DOT1L: variants seen among roughly 807,000 people sequenced by gnomAD.
DOT1L encodes the protein histone-lysine N-methyltransferase, H3 lysine-79 specific.
A neutral mutation model predicts 153.3 loss-of-function variants in DOT1L; 33 were observed. The ratio of observed to expected loss-of-function variants is 0.22; its 90% CI spans 0.16 to 0.29. The LOEUF (loss-of-function observed/expected upper bound fraction) is 0.29. DOT1L is among the 10% of genes least tolerant of loss of function. The pLI is 1.00. For synonymous variants in DOT1L, 1,135 were observed against 965.1 expected (o/e 1.18, Z -3.26); for missense variants, 1,847 against 2,119.9 (o/e 0.87, Z 2.53).
At chr19:2,173,761 C>T (rs912046790) in intron 1 of DOT1L, among the ~76,000 whole-genome samples, 5 of 152,178 alleles carry the variant, frequency 3.3e-5, no homozygotes, top group African/African-American at 1.2e-4. Context: ...TTCCCGGTAC[C>T]TTGCGAGTGC....
At chr19:2,225,231 C>A (rs1184369010) in intron 25 of DOT1L, among the ~76,000 whole-genome samples, 157 bp from the exon 26 acceptor site, 1 of 152,178 alleles carries the variant, frequency 6.6e-6, no homozygotes, top group African/African-American at 2.4e-5. Context: ...CCACCCAGTC[C>A]AGGCCTGGCC....
intron 1 of DOT1L, among the ~76,000 whole-genome samples, chr19:2,175,000 A>G (rs866852976): frequency 0.05 from 4,820 of 96,374 alleles, 164 homozygotes; most frequent in East Asian, 0.16. Context: ...GTGTGTATAT[A>G]TATATTTTTT....
intron 25 of DOT1L, among the ~76,000 whole-genome samples, 165 bp downstream of exon 25, chr19:2,223,651 C>G (rs2024217122): frequency 1.3e-5 from 2 of 152,118 alleles, no homozygotes; most frequent in Non-Finnish European, 2.9e-5. Context: ...CCCACAGGTC[C>G]TGGGCCCCGT....
At chr19:2,192,189 A>AG (rs1176661905) in intron 5 of DOT1L, among the ~76,000 whole-genome samples, 2 of 152,192 alleles carry the variant, frequency 1.3e-5, no homozygotes, top group Admixed American at 1.3e-4. Context: ...CCCCAGGGGC[A>AG]GGGACCAAGA....
At position 2,213,950 on chromosome 19, in the gene DOT1L, G is replaced by A; in HGVS notation, c.1761G>A (p.Gln587=). The A allele has an allele frequency of 6.2e-7, 1 of 1,612,954 alleles. No individual in the cohort carries two copies. The highest frequency in any genetic ancestry group is 1.1e-5 in the South Asian group (1 of 91,090). Residue 587 remains glutamine (Q), a synonymous_variant, in exon 18 of 28, where the codon CAG becomes CAA. Transcript: ENST00000398665. ...GGGAGCAGTCGGAGCAGCTGGAGCA[G>A]GACAACCGCGCGCTCCGCGGCCAGA... ...QLREQSEQLE[Q]DNRALRGQSL...
intron 1 of DOT1L, among the ~76,000 whole-genome samples, chr19:2,174,642 A>G (rs2021819989): frequency 6.6e-6 from 1 of 151,912 alleles, no homozygotes; most frequent in Non-Finnish European, 1.5e-5. Flanking sequence ...TTTTTTAGAG[A>G]TGGGGTCTTG....
chr19:2,211,028 C>G (rs1032300755), intron 14 of DOT1L, 71 bp from the exon 15 acceptor site: 1 of 1,507,508 alleles, frequency 6.6e-7, no homozygotes, highest in Admixed American at 1.8e-5. Context: ...GGGCACCTGC[C>G]CCATGCTGAC....
rs1245376494 is a variant in DOT1L, at chr19:2,204,910, C to T, written c.788-1819C>T. On this transcript the variant is annotated intron_variant, in intron 9 of 27. Coordinates refer to ENST00000398665, the MANE Select transcript of DOT1L (RefSeq NM_032482.3). This position sits in a 1 kb window ranked among gnomAD's most constrained non-coding sequence, Gnocchi z 5.7. ...TGCCAGGCCTGGGCTGGTGTGGCGT[C>T]CAGGGGAGGAGAGCTGGGATGGCGG... is the stretch of plus-strand genomic sequence containing the variant. Among the ~76,000 whole-genome samples, 1 of 152,080 alleles carries T rather than the reference C, an allele frequency of 6.6e-6. No homozygotes were observed. The highest frequency in any genetic ancestry group is 1.5e-5 in the Non-Finnish European group (1 of 68,014).
Position 2,220,044 on chromosome 19 carries a change from C to T in DOT1L, c.2692-64C>T, listed in dbSNP as rs2024053608. ...TGCAGGCCTCAACACTCACTGTTTC[C>T]AGCTGGGTTCTGGGTCTCCTGGGGC... On this transcript the variant is annotated intron_variant, in intron 22 of 27. Coordinates refer to ENST00000398665, the MANE Select transcript of DOT1L (RefSeq NM_032482.3). This position sits in a 1 kb window ranked among gnomAD's most constrained non-coding sequence, Gnocchi z 4.5. 7 of 1,468,192 alleles carry T rather than the reference C, an allele frequency of 4.8e-6. No individual in the cohort carries two copies. Among genetic ancestry groups the T allele is most frequent in the Admixed American group, 1.9e-5 (1 of 52,730 alleles). The allele number at this position is 1,468,192 out of a possible 1,614,324, so 90.9% of individuals were successfully genotyped here.
rs190641556 is a variant in DOT1L, at chr19:2,208,544, G to A, written c.964-391G>A. On this transcript the variant is annotated intron_variant, in intron 11 of 27. Transcript: ENST00000398665. This position sits in a 1 kb window ranked among gnomAD's most constrained non-coding sequence, Gnocchi z 4.4. ...CCTACCGTGCGGCCCCCACCTCCACGCAGTGCTGCTGCTTCAGCTGCCCTG... is the reference window on the plus strand; with the variant it reads ...CCTACCGTGCGGCCCCCACCTCCACACAGTGCTGCTGCTTCAGCTGCCCTG... Among the ~76,000 whole-genome samples the A allele has an allele frequency of 2.1e-3, 318 of 152,260 alleles. 2 individuals are homozygous for A. Among genetic ancestry groups the A allele is most frequent in the African/African-American group, 7.1e-3 (294 of 41,542 alleles).
chr19:2,223,415 C>T lies in DOT1L; in HGVS notation c.3525C>T (p.Thr1175=), dbSNP rs1329444896. The change falls in exon 25 of 28, where the codon ACC becomes ACT. Residue 1175 remains threonine (T), a synonymous_variant. Transcript: ENST00000398665. ...VLKKERPLSQ[T]NGAHYSPLTS... ...AGAAGGAGCGGCCTCTGAGCCAGAC[C>T]AATGGGGCACACTACTCCCCACTCA... 6.2e-7 allele frequency: 1 copy of T among 1,613,704 alleles called. No individual in the cohort carries two copies. Among genetic ancestry groups the T allele is most frequent in the Non-Finnish European group, 8.5e-7 (1 of 1,179,988 alleles).
intron 22 of DOT1L, among the ~76,000 whole-genome samples, chr19:2,218,640 G>T (rs549788116): frequency 6.6e-6 from 1 of 151,898 alleles, no homozygotes; most frequent in Non-Finnish European, 1.5e-5. Flanking sequence ...TGATCCGCCC[G>T]CCTGGGCCTC....
rs932412655 is a variant in DOT1L at position 2,216,126 on chromosome 19, G to C, written c.1924-155G>C. The stretch of plus-strand genomic sequence containing the variant: ...CTTTATTTGACGCCCCCAGCTTCCC[G>C]ACCCCGCCTCTATGTGGTCGGCAGC... On this transcript the variant is annotated intron_variant, in intron 19 of 27. Transcript: ENST00000398665. 4 of 1,150,664 alleles carry C rather than the reference G, an allele frequency of 3.5e-6. No homozygotes were observed. The African/African-American group carries it at 6.2e-5, about 18-fold the overall frequency. 71.3% of individuals were successfully genotyped at this position (1,150,664 alleles called of 1,614,324 possible).
rs1347944291 is a variant in DOT1L at position 2,217,132 on chromosome 19, A to C, written c.2544+42A>C. On this transcript the variant is annotated intron_variant, in intron 21 of 27. Coordinates refer to ENST00000398665, the MANE Select transcript of DOT1L (RefSeq NM_032482.3). This position sits in a 1 kb window ranked among gnomAD's most constrained non-coding sequence, Gnocchi z 7.3. ...CTGCCCCGGGCTCAGGGAGGTGCTCAGCAGAGGCGGCCTGAGCGAGTTGCT... is the reference window on the plus strand; with the variant it reads ...CTGCCCCGGGCTCAGGGAGGTGCTCCGCAGAGGCGGCCTGAGCGAGTTGCT... The C allele has an allele frequency of 6.5e-7, 1 of 1,534,532 alleles. No individual in the cohort carries two copies. The highest frequency in any genetic ancestry group is 1.4e-5 in the African/African-American group (1 of 72,944).
chr19:2,172,407 T>A (rs2021687450), intron 1 of DOT1L, among the ~76,000 whole-genome samples: 1 of 151,840 alleles, frequency 6.6e-6, no homozygotes, highest in Non-Finnish European at 1.5e-5. Context: ...GCCAGGATGG[T>A]CTCGATCTCC....
chr19:2,223,297 A>T lies in DOT1L; in HGVS notation c.3407A>T (p.Gln1136Leu), dbSNP rs1390125508. The change falls in exon 25 of 28, where the codon CAG (glutamine) becomes CTG (leucine). Residue 1136 changes from glutamine (Q) to leucine (L), a missense_variant. By Grantham distance (113) the Gln-to-Leu change is moderately radical. Transcript: ENST00000398665. ...NLNSMVSNIN[Q>L]PLEITAISSP... ...TGCCCTCAGGTCAGTAACATCAACC[A>T]GCCCCTGGAGATTACAGCCATCTCG... 6.2e-7 allele frequency: 1 copy of T among 1,613,432 alleles called. No homozygotes were observed. The highest frequency in any genetic ancestry group is 8.5e-7 in the Non-Finnish European group (1 of 1,179,948).
intron 19 of DOT1L, chr19:2,215,965 T>C: frequency 3.4e-6 from 1 of 293,088 alleles, no homozygotes; most frequent in African/African-American, 2.2e-5. Context: ...CCTCCACAGG[T>C]TTTACACTTA....
intron 5 of DOT1L, among the ~76,000 whole-genome samples, chr19:2,192,706 G>C (rs1338815558): frequency 6.6e-6 from 1 of 151,350 alleles, no homozygotes; most frequent in East Asian, 1.9e-4. Context: ...GGCATATCTG[G>C]CTGGGCTCTT....
At chr19:2,205,551 A>T (rs1036913855) in intron 9 of DOT1L, among the ~76,000 whole-genome samples, 5 of 152,218 alleles carry the variant, frequency 3.3e-5, no homozygotes, top group African/African-American at 1.2e-4. Flanking sequence ...TATCACTGAC[A>T]GTCAGTTAGA....
Sources: gnomAD v4.1 joint callset for allele counts (sites outside exome capture counted in the v4.1 genomes callset) on GRCh38, gnomAD v4.1.1 for gene constraint, Gnocchi (gnomAD v3.1) non-coding constraint, MANE v1.5 for transcripts, NCBI Gene and HGNC (gene_info 2026-07-23, HGNC 2026-07-21) for gene names.